Variants in TENT5D observed in about 807,000 individuals in gnomAD.
The protein encoded by TENT5D is terminal nucleotidyltransferase 5D.
For synonymous variants in TENT5D, 103 were observed against 100.6 expected (o/e 1.02, Z -0.15); for missense variants, 191 against 287.0 (o/e 0.67, Z 2.42).
At chrX:80,425,838 C>G (rs1931978324) in intron 1 of TENT5D, among the ~76,000 whole-genome samples, 1 of 110,465 alleles carries the variant, frequency 9.1e-6, no homozygotes, top group Non-Finnish European at 1.9e-5. Flanking sequence ...ACCAGCCTGG[C>G]CAATATGGTG....
At chrX:80,392,445 T>G in intron 3 of TENT5D, among the ~76,000 whole-genome samples, 1 of 108,565 alleles carries the variant, frequency 9.2e-6, no homozygotes, top group South Asian at 4.1e-4. Context: ...TTCTGTGATC[T>G]TACTTGGTTT....
chrX:80,400,603 C>G (rs934255371), intron 3 of TENT5D, among the ~76,000 whole-genome samples: 1 of 112,116 alleles, frequency 8.9e-6, no homozygotes, highest in Non-Finnish European at 1.9e-5. Context: ...ACTGAAAATG[C>G]ACTAATCTGT....
exon 3 of TENT5D, chrX:80,443,882 G>GT: frequency 2.3e-6 from 1 of 434,311 alleles, no homozygotes; most frequent in Non-Finnish European, 3.9e-6. Context: ...AGCCATCATA[G>GT]TAAATACAAT....
At chrX:80,387,408 G>A in intron 3 of TENT5D, among the ~76,000 whole-genome samples, 1 of 111,933 alleles carries the variant, frequency 8.9e-6, no homozygotes, top group Non-Finnish European at 1.9e-5. Flanking sequence ...GAAGGAACTT[G>A]GGTGTTGTGA....
chrX:80,426,310 T>G (rs1321984204), intron 1 of TENT5D, among the ~76,000 whole-genome samples: 1 of 111,587 alleles, frequency 9.0e-6, no homozygotes, highest in Non-Finnish European at 1.9e-5. Context: ...GACTTAAAAA[T>G]TTGAAAAATC....
chrX:80,432,844 G>A (rs73500691), intron 1 of TENT5D, among the ~76,000 whole-genome samples: 3,419 of 110,677 alleles, frequency 0.031, 141 homozygotes, highest in African/African-American at 0.11. Context: ...GGGGTCCGGG[G>A]TTTTTATGGA....
intron 3 of TENT5D, among the ~76,000 whole-genome samples, chrX:80,371,315 A>C (rs185002958): frequency 6.5e-4 from 73 of 111,738 alleles, no homozygotes; most frequent in African/African-American, 2.2e-3. Flanking sequence ...AGGGCATAGA[A>C]AGAGTACATT....
Position 80,336,464 on chromosome X carries a change from G to A in TENT5D, c.-207+748G>A, listed in dbSNP as rs753978671. Among the ~76,000 whole-genome samples the A allele has an allele frequency of 2.0e-3, 220 of 109,618 alleles. 5 individuals are homozygous for A. The highest frequency in any genetic ancestry group is 4.4e-4 in the Non-Finnish European group (23 of 52,656). ...GTATAAAGATTGCTTTATTTTTGATGTCCCTATATATTTGAGAATTAAGAC... is the reference window on the plus strand; with the variant it reads ...GTATAAAGATTGCTTTATTTTTGATATCCCTATATATTTGAGAATTAAGAC... On this transcript the variant is annotated intron_variant, in intron 2 of 4. Transcript: ENST00000538312.
intron 3 of TENT5D, among the ~76,000 whole-genome samples, chrX:80,390,619 T>C (rs1023812960): frequency 1.2e-4 from 13 of 111,460 alleles, no homozygotes; most frequent in Non-Finnish European, 2.1e-4. Context: ...GATTTGTAGA[T>C]CTAATGGGAA....
chrX:80,368,082 C>G (rs5913257), intron 3 of TENT5D, among the ~76,000 whole-genome samples: 4,410 of 111,164 alleles, frequency 0.04, 109 homozygotes, highest in Non-Finnish European at 0.065. Flanking sequence ...CATTCCTGTA[C>G]CAAAATATTT....
chrX:80,418,707 TA>T (rs1931826299), upstream of TENT5D, among the ~76,000 whole-genome samples: 1 of 112,086 alleles, frequency 8.9e-6, no homozygotes, highest in Admixed American at 9.5e-5. Context: ...TATAAAAAGA[TA>T]GTTGAGAATT....
intron 3 of TENT5D, among the ~76,000 whole-genome samples, chrX:80,383,772 C>T (rs1490290652): frequency 1.8e-5 from 2 of 111,079 alleles, no homozygotes; most frequent in Non-Finnish European, 3.8e-5. Context: ...AGGAGAATGG[C>T]GTGAACCCGG....
intron 1 of TENT5D, among the ~76,000 whole-genome samples, chrX:80,434,257 G>A (rs1345092021): frequency 9.3e-6 from 1 of 107,126 alleles, no homozygotes; most frequent in Non-Finnish European, 1.9e-5. Context: ...AACATGGAAA[G>A]TATATGCCTG....
At chrX:80,340,960 G>A (rs1929946504) in intron 2 of TENT5D, among the ~76,000 whole-genome samples, 1 of 112,137 alleles carries the variant, frequency 8.9e-6, no homozygotes, top group Non-Finnish European at 1.9e-5. Flanking sequence ...CACAGCAAGA[G>A]CAAAACACCC....
chrX:80,413,079 C>T (rs1007922162), intron 3 of TENT5D, among the ~76,000 whole-genome samples: 1 of 111,270 alleles, frequency 9.0e-6, no homozygotes, highest in Admixed American at 9.6e-5. Flanking sequence ...AACCCTCATA[C>T]CAAATTTTGA....
intron 3 of TENT5D, among the ~76,000 whole-genome samples, chrX:80,381,648 G>A (rs1472437528): frequency 9.0e-6 from 1 of 111,655 alleles, no homozygotes; most frequent in Admixed American, 9.5e-5. Flanking sequence ...TGGATGCTTT[G>A]TTCATTTCTT....
At chrX:80,444,283 G>T (rs1932345827) in exon 3 of TENT5D, 1 of 122,197 alleles carries the variant, frequency 8.2e-6, no homozygotes, top group Non-Finnish European at 1.9e-5. Flanking sequence ...ATTAAATTGG[G>T]TTGGATACAA....
At chrX:80,391,885 C>T (rs1412044347) in intron 3 of TENT5D, among the ~76,000 whole-genome samples, 1 of 112,682 alleles carries the variant, frequency 8.9e-6, no homozygotes, top group Non-Finnish European at 1.9e-5. Context: ...TAGACACATT[C>T]ACTCTTAAAG....
At chrX:80,366,116 A>C (rs1438414605) in intron 3 of TENT5D, among the ~76,000 whole-genome samples, 1 of 110,348 alleles carries the variant, frequency 9.1e-6, no homozygotes, top group East Asian at 2.8e-4. Flanking sequence ...GTATGTTAAG[A>C]AAAGTTGACA....
Sources: allele counts gnomAD v4.1 joint callset (sites outside exome capture counted in the v4.1 genomes callset), GRCh38; gene constraint gnomAD v4.1.1; transcripts MANE v1.5; gene names NCBI Gene and HGNC (gene_info 2026-07-23, HGNC 2026-07-21).